The following SIL1 variants were observed in gnomAD, a reference collection of about 807,000 sequenced individuals.
SIL1 encodes SIL1 nucleotide exchange factor.
SIL1 carries 40 observed loss-of-function variants against 49.1 expected under a neutral mutation model. That is an observed-to-expected ratio of 0.81 (90% CI 0.63 to 1.06). The LOEUF (loss-of-function observed/expected upper bound fraction) is 1.06. Ranked by LOEUF, SIL1 falls within the 50% of genes least tolerant of loss-of-function variation. The probability of loss-of-function intolerance (pLI) is 0.00; values close to 1 mark genes in which losing one functional copy is unlikely to be tolerated. For missense variants in SIL1, 500 were observed against 572.6 expected, an observed-to-expected ratio of 0.87 and a Z score of 1.29; for synonymous variants, 253 against 250.8, an observed-to-expected ratio of 1.01 and a Z score of -0.08.
At chr5:139,055,776 T>C (rs1769399142) in intron 3 of SIL1, among the ~76,000 whole-genome samples, 1 of 145,548 alleles carries the variant, frequency 6.9e-6, no homozygotes, top group Admixed American at 6.7e-5. Flanking sequence ...CCCTGCCTGA[T>C]TCTCCTGCCT....
chr5:139,073,073 A>G (rs1260305748), intron 3 of SIL1, among the ~76,000 whole-genome samples: 1 of 152,224 alleles, frequency 6.6e-6, no homozygotes, highest in Non-Finnish European at 1.5e-5. Context: ...GCAAGGATGT[A>G]CAGAAAAGAG....
At chr5:139,028,362 G>A (rs1414905111) in intron 5 of SIL1, among the ~76,000 whole-genome samples, 8 of 151,818 alleles carry the variant, frequency 5.3e-5, no homozygotes, top group Non-Finnish European at 7.4e-5. Context: ...GCCGGGCATG[G>A]TGGCTCACAC....
At chr5:139,049,160 C>A (rs1769233884) in intron 4 of SIL1, among the ~76,000 whole-genome samples, 1 of 152,110 alleles carries the variant, frequency 6.6e-6, no homozygotes, top group South Asian at 2.1e-4. Flanking sequence ...CATCTAACTG[C>A]AAAATACTGG....
intron 1 of SIL1, among the ~76,000 whole-genome samples, chr5:139,176,790 A>T (rs1331177037): frequency 6.6e-6 from 1 of 152,272 alleles, no homozygotes; most frequent in East Asian, 1.9e-4. Flanking sequence ...AGGTTTCAAC[A>T]TATGAATTTG....
At chr5:139,040,254 T>C (rs2150444198) in intron 5 of SIL1, among the ~76,000 whole-genome samples, 1 of 152,268 alleles carries the variant, frequency 6.6e-6, no homozygotes, top group Admixed American at 6.5e-5. Flanking sequence ...ATGAGCACAT[T>C]GGCAGTGAGC....
At chr5:139,143,344 C>CACATATATATATATAT (rs1451727500) in intron 1 of SIL1, among the ~76,000 whole-genome samples, 11 of 97,496 alleles carry the variant, frequency 1.1e-4, no homozygotes, top group African/African-American at 6.0e-4. Flanking sequence ...CACACACACA[C>CACATATATATATATAT]ATATATATAT....
At chr5:139,153,557 C>G (rs956749041) in intron 1 of SIL1, among the ~76,000 whole-genome samples, 5 of 152,188 alleles carry the variant, frequency 3.3e-5, no homozygotes, top group African/African-American at 1.2e-4. Context: ...AAGCCAGTTA[C>G]ACGCTTGCCA....
At chr5:138,993,023 A>G (rs2150406834) in intron 7 of SIL1, among the ~76,000 whole-genome samples, 1 of 152,350 alleles carries the variant, frequency 6.6e-6, no homozygotes, top group African/African-American at 2.4e-5. Context: ...CTGTTCTCCC[A>G]TTCTTCCACA....
intron 3 of SIL1, among the ~76,000 whole-genome samples, chr5:139,116,902 G>C (rs1771002915): frequency 6.6e-6 from 1 of 152,196 alleles, no homozygotes; most frequent in African/African-American, 2.4e-5. Context: ...CTGCGAAGTA[G>C]GTATTATATT....
At chr5:139,101,379 T>C (rs535413659) in intron 3 of SIL1, among the ~76,000 whole-genome samples, 1 of 152,320 alleles carries the variant, frequency 6.6e-6, no homozygotes, top group African/African-American at 2.4e-5. Context: ...ATTTACCTAA[T>C]TACTCTCATA....
At chr5:139,047,688 T>G (rs982787860) in intron 4 of SIL1, among the ~76,000 whole-genome samples, 5 of 152,222 alleles carry the variant, frequency 3.3e-5, no homozygotes, top group African/African-American at 1.2e-4. Flanking sequence ...GAAGACACCA[T>G]GAAATGGAAT....
At chr5:139,169,272 C>T (rs1438815913) in intron 1 of SIL1, among the ~76,000 whole-genome samples, 1 of 152,166 alleles carries the variant, frequency 6.6e-6, no homozygotes, top group East Asian at 1.9e-4. Context: ...AAGTTTACAC[C>T]TGAGGCTGAT....
At chr5:138,951,070 G>T in intron 9 of SIL1, 101 bp downstream of exon 9, 1 of 1,347,428 alleles carries the variant, frequency 7.4e-7, no homozygotes, top group Non-Finnish European at 1.0e-6. Flanking sequence ...CACACACAAA[G>T]CAAACAAGTG....
intron 1 of SIL1, among the ~76,000 whole-genome samples, chr5:139,183,486 T>C (rs1752027322): frequency 6.6e-6 from 1 of 152,160 alleles, no homozygotes; most frequent in Admixed American, 6.5e-5. Context: ...TTTTCCATAT[T>C]CTATTCAGAA....
chr5:139,139,309 G>C (rs761561433), intron 1 of SIL1, among the ~76,000 whole-genome samples: 2 of 152,192 alleles, frequency 1.3e-5, no homozygotes, highest in Non-Finnish European at 2.9e-5. Context: ...CCACGGTCAG[G>C]GTTCGAGGGG....
intron 1 of SIL1, among the ~76,000 whole-genome samples, chr5:139,174,583 C>T (rs1031816822): frequency 6.6e-6 from 1 of 151,950 alleles, no homozygotes; most frequent in Admixed American, 6.6e-5. Flanking sequence ...TCAGGAGGAT[C>T]CTTTGAGCCC....
At chr5:138,967,110 G>A (rs980365837) in intron 7 of SIL1, among the ~76,000 whole-genome samples, 6 of 152,156 alleles carry the variant, frequency 3.9e-5, no homozygotes, top group Non-Finnish European at 7.3e-5. Flanking sequence ...CCAGTATGGA[G>A]GAGGAGAATC....
chr5:139,081,747 C>G (rs1387302896), intron 3 of SIL1, among the ~76,000 whole-genome samples: 3 of 152,052 alleles, frequency 2.0e-5, no homozygotes, highest in African/African-American at 7.2e-5. Flanking sequence ...GGCACGGTGG[C>G]ACAAGCCTGT....
At chr5:139,160,238 C>T (rs1335433705) in intron 1 of SIL1, among the ~76,000 whole-genome samples, 1 of 151,696 alleles carries the variant, frequency 6.6e-6, no homozygotes, top group Non-Finnish European at 1.5e-5. Flanking sequence ...ATATTACCTA[C>T]AACCCTAGCC....
Sources: gnomAD v4.1 joint callset for allele counts (sites outside exome capture counted in the v4.1 genomes callset) on GRCh38, gnomAD v4.1.1 for gene constraint, MANE v1.5 for transcripts, NCBI Gene and HGNC (gene_info 2026-07-23, HGNC 2026-07-21) for gene names.